Variants in TRAPPC9 observed in about 807,000 individuals in gnomAD.
TRAPPC9 encodes the protein trafficking protein particle complex subunit 9.
Under a neutral mutation model 124.0 loss-of-function variants are expected in TRAPPC9, and 83 were observed. That is an observed-to-expected ratio of 0.67 (90% CI 0.56 to 0.80). The LOEUF (loss-of-function observed/expected upper bound fraction) is 0.80. Among genes scored for constraint, TRAPPC9 ranks in the 30% least tolerant of loss-of-function variants. The pLI, the probability that TRAPPC9 is intolerant of heterozygous loss-of-function variation, is 0.00. For synonymous variants in TRAPPC9, 638 were observed against 617.5 expected, an observed-to-expected ratio of 1.03 and a Z score of -0.49; for missense variants, 1,302 against 1,508.3, an observed-to-expected ratio of 0.86 and a Z score of 2.27.
chr8:140,181,499 C>A (rs2062204648), intron 17 of TRAPPC9, among the ~76,000 whole-genome samples: 1 of 152,118 alleles, frequency 6.6e-6, no homozygotes, highest in Admixed American at 6.5e-5. Context: ...CCATGTTGGC[C>A]AGGCTGGTCT....
At chr8:139,872,103 G>C (rs1828943153) in intron 21 of TRAPPC9, among the ~76,000 whole-genome samples, 1 of 151,896 alleles carries the variant, frequency 6.6e-6, no homozygotes, top group African/African-American at 2.4e-5. Flanking sequence ...TGAGTGGATG[G>C]ATGGATGGAT....
At chr8:139,851,790 T>G (rs923592984) in intron 21 of TRAPPC9, among the ~76,000 whole-genome samples, 4 of 152,234 alleles carry the variant, frequency 2.6e-5, no homozygotes, top group Non-Finnish European at 4.4e-5. Context: ...AAGCCTGAGC[T>G]GGCACCAGCA....
intron 17 of TRAPPC9, among the ~76,000 whole-genome samples, chr8:140,109,887 C>T (rs766649387): frequency 5.3e-5 from 8 of 152,214 alleles, no homozygotes; most frequent in Non-Finnish European, 1.0e-4. Context: ...TCAACAGAGG[C>T]TGGGGAGACT....
intron 21 of TRAPPC9, among the ~76,000 whole-genome samples, chr8:139,756,762 G>T (rs758842374): frequency 3.2e-5 from 4 of 126,578 alleles, no homozygotes; most frequent in African/African-American, 6.2e-5. Flanking sequence ...AAGGACAGCA[G>T]GTCGCAGGAG....
intron 21 of TRAPPC9, among the ~76,000 whole-genome samples, chr8:139,846,452 G>GC (rs1291825776): frequency 6.6e-6 from 1 of 152,220 alleles, no homozygotes; most frequent in Non-Finnish European, 1.5e-5. Flanking sequence ...CGAACTGACT[G>GC]CCTCTGGCAG....
chr8:140,259,889 A>G (rs2064359125), intron 15 of TRAPPC9, among the ~76,000 whole-genome samples: 1 of 152,238 alleles, frequency 6.6e-6, no homozygotes, highest in Non-Finnish European at 1.5e-5. Context: ...CCCAGACATC[A>G]CGCTTAGAAC....
chr8:140,452,344 A>G (rs12056555), intron 1 of TRAPPC9, among the ~76,000 whole-genome samples: 54,736 of 146,540 alleles, frequency 0.37, 11,743 homozygotes, highest in South Asian at 0.48. Flanking sequence ...GGCATGAACC[A>G]GGGAGGCAGA....
At chr8:140,284,899 G>A (rs1011279996) in intron 13 of TRAPPC9, among the ~76,000 whole-genome samples, 8 of 152,140 alleles carry the variant, frequency 5.3e-5, no homozygotes, top group East Asian at 3.9e-4. Flanking sequence ...CTTCAAAGAC[G>A]TCTTAAACTG....
At chr8:139,849,915 C>A (rs370282704) in intron 21 of TRAPPC9, among the ~76,000 whole-genome samples, 29 of 152,290 alleles carry the variant, frequency 1.9e-4, no homozygotes, top group African/African-American at 6.5e-4. Flanking sequence ...TGAGGTGGCT[C>A]CTGTCCAGGA....
At chr8:139,925,435 C>T (rs1464555477) in intron 19 of TRAPPC9, among the ~76,000 whole-genome samples, 1 of 152,164 alleles carries the variant, frequency 6.6e-6, no homozygotes, top group East Asian at 1.9e-4. Context: ...CTGAGCAAAA[C>T]AGACCCAACC....
intron 21 of TRAPPC9, among the ~76,000 whole-genome samples, chr8:139,798,011 A>G (rs764163826): frequency 1.3e-5 from 2 of 152,228 alleles, no homozygotes; most frequent in African/African-American, 2.4e-5. Context: ...GAATTTTAGG[A>G]TCAGCAGCTT....
chr8:139,819,932 C>T (rs1471874489), intron 21 of TRAPPC9, among the ~76,000 whole-genome samples: 3 of 147,438 alleles, frequency 2.0e-5, no homozygotes, highest in East Asian at 2.1e-4. Flanking sequence ...AGAATCACCC[C>T]GGGAGGCAGA....
chr8:140,392,278 A>G (rs1402586654), intron 7 of TRAPPC9, among the ~76,000 whole-genome samples: 1 of 152,248 alleles, frequency 6.6e-6, no homozygotes, highest in Non-Finnish European at 1.5e-5. Context: ...GCATCTAGCT[A>G]AATGCATGCA....
chr8:140,106,407 T>C (rs1259777234), intron 17 of TRAPPC9, among the ~76,000 whole-genome samples: 3 of 152,162 alleles, frequency 2.0e-5, no homozygotes, highest in Admixed American at 6.5e-5. Context: ...TGAGAGGGGA[T>C]TGCCAGTTCC....
chr8:140,325,442 T>A (rs1181632840), intron 9 of TRAPPC9, among the ~76,000 whole-genome samples: 1 of 152,078 alleles, frequency 6.6e-6, no homozygotes, highest in Non-Finnish European at 1.5e-5. Flanking sequence ...ATATCAGGAA[T>A]AAAAAGGAGG....
At chr8:139,933,546 C>G (rs185926246) in intron 19 of TRAPPC9, 1 of 152,282 alleles carries the variant, frequency 6.6e-6, no homozygotes, top group Non-Finnish European at 1.5e-5. Context: ...CTCGATCAGA[C>G]GCCTCCCGCC....
chr8:140,100,010 C>T (rs930625237), intron 17 of TRAPPC9: 1 of 146,048 alleles, frequency 6.8e-6, no homozygotes, highest in African/African-American at 2.6e-5. Flanking sequence ...GACGCCCACC[C>T]GGGTCCTCCG....
chr8:139,899,490 G>A (rs1830887038), intron 20 of TRAPPC9, among the ~76,000 whole-genome samples: 1 of 152,204 alleles, frequency 6.6e-6, no homozygotes, highest in Non-Finnish European at 1.5e-5. Context: ...TGCGTAGGCA[G>A]AAGAGCAGGA....
At chr8:140,345,576 T>C (rs1159230275) in intron 9 of TRAPPC9, among the ~76,000 whole-genome samples, 1 of 152,170 alleles carries the variant, frequency 6.6e-6, no homozygotes, top group Admixed American at 6.5e-5. Context: ...GGGACAGATA[T>C]GTATTGGCCG....
Sources: allele counts gnomAD v4.1 joint callset (sites outside exome capture counted in the v4.1 genomes callset), GRCh38; gene constraint gnomAD v4.1.1; transcripts MANE v1.5; gene names NCBI Gene and HGNC (gene_info 2026-07-23, HGNC 2026-07-21).